The following CDKAL1 variants were observed in gnomAD, a reference collection of about 807,000 sequenced individuals.
The protein encoded by CDKAL1 is CDKAL1 threonylcarbamoyladenosine tRNA methylthiotransferase.
A neutral mutation model predicts 68.2 loss-of-function variants in CDKAL1; 32 were observed. The observed-to-expected ratio is 0.47, with a 90% CI of 0.35 to 0.63. The LOEUF (loss-of-function observed/expected upper bound fraction) is 0.63, where lower values mean the gene tolerates loss of function less well. CDKAL1 is among the 30% of genes least tolerant of loss of function. CDKAL1 has a pLI of 0.00. For missense variants in CDKAL1, 606 were observed against 696.7 expected (o/e 0.87, Z 1.47); for synonymous variants, 234 against 244.3 (o/e 0.96, Z 0.39).
chr6:20,756,269 C>G (rs1050151579), intron 6 of CDKAL1: 2 of 152,202 alleles, frequency 1.3e-5, no homozygotes, highest in African/African-American at 2.4e-5. Context: ...TCAATATTCT[C>G]TAGCCATCAA....
Position 20,980,040 on chromosome 6 carries a change from G to A in CDKAL1, c.910-20187G>A, listed in dbSNP as rs549652048. ...ACCCTCCTGAGCCTCCAAAGTGCTC[G>A]GATTACAGGCGTGAGCCACCACGCC... On this transcript the variant is annotated intron_variant, in intron 10 of 15. Coordinates refer to ENST00000274695, the MANE Select transcript of CDKAL1 (RefSeq NM_017774.3). 6.6e-5 allele frequency among the ~76,000 whole-genome samples: 10 copies of A among 151,936 alleles called. No individual in the cohort carries two copies. In the East Asian group the frequency reaches 1.4e-3, roughly 21 times the overall value.
intron 4 of CDKAL1, among the ~76,000 whole-genome samples, chr6:20,642,888 G>A (rs540516992): frequency 6.7e-6 from 1 of 148,464 alleles, no homozygotes; most frequent in South Asian, 2.1e-4. Context: ...GACACAGTGA[G>A]ACTTTGTCTC....
chr6:21,230,952 G>A lies in CDKAL1; in HGVS notation c.1653G>A (p.Arg551=). 6.2e-7 allele frequency: 1 copy of A among 1,614,144 alleles called. No individual in the cohort carries two copies. The highest frequency in any genetic ancestry group is 8.5e-7 in the Non-Finnish European group (1 of 1,179,978). The change falls in exon 16 of 16, where the codon AGG becomes AGA. Residue 551 remains arginine (R), a synonymous_variant. Coordinates refer to ENST00000274695, the MANE Select transcript of CDKAL1 (RefSeq NM_017774.3). ...ASSRMVLPMP[R]LHQDCALRMS... The stretch of plus-strand genomic sequence containing the variant: ...CCAGAATGGTGCTGCCCATGCCAAG[G>A]CTACATCAAGACTGTGCGCTGAGGA...
At chr6:20,936,461 G>A (rs9460580) in intron 9 of CDKAL1, among the ~76,000 whole-genome samples, 21,019 of 150,146 alleles carry the variant, frequency 0.14, 1,717 homozygotes, top group African/African-American at 0.24. Flanking sequence ...CGTTTTAGCC[G>A]GGATGGTCTC....
At chr6:20,976,149 C>T (rs1042309297) in intron 10 of CDKAL1, among the ~76,000 whole-genome samples, 2 of 152,120 alleles carry the variant, frequency 1.3e-5, no homozygotes, top group African/African-American at 4.8e-5. Flanking sequence ...GCTTCTTTCT[C>T]TTAGTAATAT....
At chr6:21,160,642 C>T (rs1243946667) in intron 13 of CDKAL1, among the ~76,000 whole-genome samples, 1 of 111,262 alleles carries the variant, frequency 9.0e-6, no homozygotes, top group Non-Finnish European at 2.0e-5. Context: ...CACAGACACA[C>T]ACACACACAC....
At chr6:20,650,198 C>G (rs1405698536) in intron 5 of CDKAL1, among the ~76,000 whole-genome samples, 1 of 152,152 alleles carries the variant, frequency 6.6e-6, no homozygotes, top group African/African-American at 2.4e-5. Context: ...AAAAGTGTTC[C>G]TATTTATCCA....
At chr6:20,871,958 C>T (rs1760243017) in intron 9 of CDKAL1, among the ~76,000 whole-genome samples, 1 of 152,076 alleles carries the variant, frequency 6.6e-6, no homozygotes, top group Admixed American at 6.6e-5. Context: ...TTGGAATTTG[C>T]AACTAATTTG....
intron 9 of CDKAL1, among the ~76,000 whole-genome samples, chr6:20,846,694 G>A (rs1317107947): frequency 6.6e-6 from 1 of 152,180 alleles, no homozygotes; most frequent in African/African-American, 2.4e-5. Context: ...TGGGGGAGAG[G>A]CCTAATGAGA....
intron 6 of CDKAL1, among the ~76,000 whole-genome samples, chr6:20,750,951 G>GAAAAAAAAAAA (rs59244637): frequency 1.1e-4 from 5 of 47,084 alleles, no homozygotes; most frequent in African/African-American, 1.9e-4. Context: ...GCAACAGAGT[G>GAAAAAAAAAAA]AAAAAAAAAA....
At chr6:20,656,343 C>A (rs898126693) in intron 5 of CDKAL1, among the ~76,000 whole-genome samples, 2 of 152,106 alleles carry the variant, frequency 1.3e-5, no homozygotes, top group Non-Finnish European at 2.9e-5. Flanking sequence ...CAGAGGAGTT[C>A]TTACCGGAGC....
At chr6:20,649,564 T>A (rs559150388) in intron 5 of CDKAL1, among the ~76,000 whole-genome samples, 187 bp downstream of exon 5, 2 of 152,322 alleles carry the variant, frequency 1.3e-5, no homozygotes, top group East Asian at 1.9e-4. Context: ...TTTTTATTTT[T>A]AAATTAAATT....
At chr6:21,091,751 A>G (rs932535845) in intron 12 of CDKAL1, among the ~76,000 whole-genome samples, 3 of 152,030 alleles carry the variant, frequency 2.0e-5, no homozygotes, top group African/African-American at 7.2e-5. Context: ...GATCAGTTCA[A>G]TACTTAGAGA....
At chr6:20,969,035 C>T (rs932457098) in intron 10 of CDKAL1, among the ~76,000 whole-genome samples, 21 of 152,044 alleles carry the variant, frequency 1.4e-4, no homozygotes, top group African/African-American at 2.4e-4. Flanking sequence ...AATAATATAA[C>T]GTGGCAGCTC....
chr6:20,796,812 T>C (rs928958766), intron 8 of CDKAL1, among the ~76,000 whole-genome samples: 1 of 152,210 alleles, frequency 6.6e-6, no homozygotes, highest in African/African-American at 2.4e-5. Context: ...TTGACCCAAA[T>C]GTTAAATGTA....
intron 10 of CDKAL1, among the ~76,000 whole-genome samples, chr6:20,957,657 G>T (rs1275287972): frequency 2.0e-5 from 3 of 152,240 alleles, no homozygotes; most frequent in Non-Finnish European, 2.9e-5. Context: ...CTCAATAAAT[G>T]AGTGAATATG....
At chr6:20,978,116 A>C (rs1478848272) in intron 10 of CDKAL1, among the ~76,000 whole-genome samples, 2 of 152,184 alleles carry the variant, frequency 1.3e-5, no homozygotes, top group African/African-American at 4.8e-5. Context: ...TTTGCTGGCA[A>C]CTTCTTTGGT....
At chr6:20,694,810 T>C (rs1164115467) in intron 5 of CDKAL1, among the ~76,000 whole-genome samples, 2 of 152,152 alleles carry the variant, frequency 1.3e-5, no homozygotes, top group Non-Finnish European at 2.9e-5. Flanking sequence ...ATGGAGGTGT[T>C]TGGGTCATGG....
At chr6:20,989,772 T>G (rs1766692937) in intron 10 of CDKAL1, among the ~76,000 whole-genome samples, 1 of 151,996 alleles carries the variant, frequency 6.6e-6, no homozygotes, top group South Asian at 2.1e-4. Flanking sequence ...TAGTTTTAGT[T>G]TTTCTCTTTG....
Sources: gnomAD v4.1 joint callset for allele counts (sites outside exome capture counted in the v4.1 genomes callset) on GRCh38, gnomAD v4.1.1 for gene constraint, MANE v1.5 for transcripts, NCBI Gene and HGNC (gene_info 2026-07-23, HGNC 2026-07-21) for gene names.